The following ZEB2 variants were observed in gnomAD, a reference collection of about 807,000 sequenced individuals.
ZEB2 encodes zinc finger E-box binding homeobox 2.
A neutral mutation model predicts 99.9 loss-of-function variants in ZEB2; 6 were observed. The ratio of observed to expected loss-of-function variants is 0.06; its 90% CI spans 0.03 to 0.12. The LOEUF is 0.12. Ranked by LOEUF, ZEB2 falls within the 10% of genes least tolerant of loss-of-function variation. The probability of loss-of-function intolerance (pLI) is 1.00; values close to 1 mark genes in which losing one functional copy is unlikely to be tolerated. For synonymous variants in ZEB2, 517 were observed against 542.5 expected (o/e 0.95, Z 0.65); for missense variants, 969 against 1,502.8 (o/e 0.64, Z 5.87).
At chr2:144,454,605 T>G (rs1365762026) in intron 2 of ZEB2, among the ~76,000 whole-genome samples, 1 of 152,208 alleles carries the variant, frequency 6.6e-6, no homozygotes, top group Non-Finnish European at 1.5e-5. Context: ...AATACTTTTG[T>G]GAAAACCATG....
chr2:144,422,074 A>G (rs900291558), intron 4 of ZEB2, among the ~76,000 whole-genome samples: 2 of 152,210 alleles, frequency 1.3e-5, no homozygotes, highest in Admixed American at 1.3e-4. Context: ...TTAAGAAGTC[A>G]TGTTGCTAAT....
intron 9 of ZEB2, among the ~76,000 whole-genome samples, chr2:144,391,376 G>T (rs1703152081): frequency 1.3e-5 from 2 of 152,176 alleles, no homozygotes; most frequent in Admixed American, 6.5e-5. Flanking sequence ...CTGGAAGAGT[G>T]GAAATCAGAA....
At position 144,399,398 on chromosome 2, in the gene ZEB2, G is replaced by T; in HGVS notation, c.1789C>A (p.His597Asn). 1 of 1,614,172 alleles carries T rather than the reference G, an allele frequency of 6.2e-7. No homozygotes were observed. The highest frequency in any genetic ancestry group is 8.5e-7 in the Non-Finnish European group (1 of 1,180,002). Residue 597 changes from histidine (H) to asparagine (N), a missense_variant, in exon 8 of 10, where the codon CAT (histidine) becomes AAT (asparagine). His to Asn is a moderately conservative substitution (Grantham distance 68). This residue lies in a region of ZEB2 where 11 missense variants were observed against 38.6 expected (regional missense o/e 0.28). Transcript: ENST00000627532. The surrounding 1 kb of genome is among the most constrained non-coding windows in gnomAD (Gnocchi z 5.6). ...TTACAAAGGTAACGTTCATGCTGAT[G>T]CAAAGGGATGGGGCCAGGAAAACTT... Reference protein sequence around the residue: ...KESFPGPIPLHQHERYLCKMN... With the variant: ...KESFPGPIPLNQHERYLCKMN...
intron 5 of ZEB2, 70 bp downstream of exon 5, chr2:144,404,766 A>G (rs1376613454): frequency 1.3e-6 from 2 of 1,548,132 alleles, no homozygotes; most frequent in Non-Finnish European, 1.8e-6. Context: ...ACACCCAGGC[A>G]TGTAGTGCAT....
At chr2:144,416,692 C>T (rs1703544026) in intron 4 of ZEB2, among the ~76,000 whole-genome samples, 1 of 152,164 alleles carries the variant, frequency 6.6e-6, no homozygotes, top group African/African-American at 2.4e-5. Flanking sequence ...CGTTTGATAA[C>T]CCACTCCATC....
chr2:144,483,297 T>C (rs1704546264), intron 2 of ZEB2, among the ~76,000 whole-genome samples: 2 of 152,170 alleles, frequency 1.3e-5, no homozygotes, highest in South Asian at 2.1e-4. Flanking sequence ...TCATCCAACT[T>C]TTCTGGGTCT....
At chr2:144,518,501 C>G (rs1263948453) in intron 1 of ZEB2, 1 of 152,216 alleles carries the variant, frequency 6.6e-6, no homozygotes, top group East Asian at 1.9e-4. Context: ...AACCCTTTCT[C>G]TGCCGGGCAC....
Position 144,399,294 on chromosome 2 carries a change from A to G in ZEB2, c.1893T>C (p.Asn631=), listed in dbSNP as rs762553258. The change falls in exon 8 of 10, where the codon AAT becomes AAC. Residue 631 remains asparagine, a synonymous_variant. Coordinates refer to ENST00000627532, the MANE Select transcript of ZEB2 (RefSeq NM_014795.4). The surrounding 1 kb of genome is among the most constrained non-coding windows in gnomAD (Gnocchi z 5.6). ...VPNKAGVFVD[N]KALLLSSVLS... ...GTACAGATGACAAGAGGAGGGCTTT[A>G]TTATCAACAAAAACTCCGGCTTTGT... is the stretch of plus-strand genomic sequence containing the variant. 6.2e-7 allele frequency: 1 copy of G among 1,614,078 alleles called. No homozygotes were observed. Among genetic ancestry groups the G allele is most frequent in the Non-Finnish European group, 8.5e-7 (1 of 1,180,004 alleles).
At chr2:144,414,808 T>C (rs967113751) in intron 4 of ZEB2, among the ~76,000 whole-genome samples, 4 of 152,174 alleles carry the variant, frequency 2.6e-5, no homozygotes, top group African/African-American at 7.2e-5. Flanking sequence ...TTTTTCATCA[T>C]GCCTGACTTG....
intron 4 of ZEB2, among the ~76,000 whole-genome samples, chr2:144,420,633 C>T (rs554765308): frequency 3.9e-5 from 6 of 152,088 alleles, no homozygotes; most frequent in Non-Finnish European, 4.4e-5. Context: ...CACAAGGGTT[C>T]TGAAGAGATT....
chr2:144,427,649 A>G (rs893078906), intron 3 of ZEB2: 1 of 152,186 alleles, frequency 6.6e-6, no homozygotes, highest in Admixed American at 6.5e-5. Context: ...TTCATTAGAC[A>G]TCAAGGCACC....
At chr2:144,402,985 A>C (rs1195629917) in intron 6 of ZEB2, among the ~76,000 whole-genome samples, 1 of 152,250 alleles carries the variant, frequency 6.6e-6, no homozygotes, top group African/African-American at 2.4e-5. Context: ...AAGAATTTTG[A>C]ATACAATATC....
chr2:144,443,979 A>G (rs1703950994), intron 2 of ZEB2, among the ~76,000 whole-genome samples: 1 of 152,196 alleles, frequency 6.6e-6, no homozygotes, highest in Non-Finnish European at 1.5e-5. Context: ...TGCTTGAGAG[A>G]TCATGGTGAC....
intron 2 of ZEB2, among the ~76,000 whole-genome samples, chr2:144,506,182 C>A (rs1704948777): frequency 1.3e-5 from 2 of 152,160 alleles, no homozygotes; most frequent in African/African-American, 4.8e-5. Flanking sequence ...TACATTAATT[C>A]TTCGCCTCTA....
chr2:144,416,493 C>T (rs1376962168), intron 4 of ZEB2, among the ~76,000 whole-genome samples: 1 of 152,138 alleles, frequency 6.6e-6, no homozygotes, highest in African/African-American at 2.4e-5. Context: ...ATTCCTATTC[C>T]CTTACTGCTG....
intron 2 of ZEB2, among the ~76,000 whole-genome samples, chr2:144,460,888 C>T (rs975959715): frequency 7.9e-5 from 12 of 151,900 alleles, no homozygotes; most frequent in Non-Finnish European, 1.0e-4. Context: ...AAAAAGTCAT[C>T]GGCATCAAGA....
intron 4 of ZEB2, among the ~76,000 whole-genome samples, chr2:144,408,384 G>T (rs563025121): frequency 1.5e-4 from 23 of 152,320 alleles, no homozygotes; most frequent in African/African-American, 5.5e-4. Context: ...ATAATTATTT[G>T]ATAAACTGTG....
chr2:144,498,242 G>C (rs1704816980), intron 2 of ZEB2, among the ~76,000 whole-genome samples: 1 of 144,498 alleles, frequency 6.9e-6, no homozygotes, highest in Non-Finnish European at 1.5e-5. Flanking sequence ...AAAGAGGTAA[G>C]ATTTCTACTG....
At chr2:144,477,327 T>C (rs1422797821) in intron 2 of ZEB2, among the ~76,000 whole-genome samples, 2 of 152,270 alleles carry the variant, frequency 1.3e-5, no homozygotes, top group Non-Finnish European at 2.9e-5. Flanking sequence ...AAACTTCCTT[T>C]GTTAAAAGTA....
Sources: allele counts gnomAD v4.1 joint callset (sites outside exome capture counted in the v4.1 genomes callset), GRCh38; gene constraint gnomAD v4.1.1; regional missense constraint gnomAD v4.1.1; non-coding constraint Gnocchi (gnomAD v3.1); transcripts MANE v1.5; gene names NCBI Gene and HGNC (gene_info 2026-07-23, HGNC 2026-07-21).